The following ANKS1B variants were observed in gnomAD, a reference collection of about 807,000 sequenced individuals.
The protein encoded by ANKS1B is ankyrin repeat and sterile alpha motif domain containing 1B, also known as ankyrin repeat and sterile alpha motif domain-containing protein 1B.
In ANKS1B, 36 loss-of-function variants were observed where a neutral mutation model predicts 148.3. That is an observed-to-expected ratio of 0.24 (90% confidence interval 0.19 to 0.32). The LOEUF is 0.32. Among genes scored for constraint, ANKS1B ranks in the 10% least tolerant of loss-of-function variants. The pLI is 1.00. For missense variants in ANKS1B, 1,157 were observed against 1,542.6 expected (o/e 0.75, Z 4.19); for synonymous variants, 542 against 560.8 (o/e 0.97, Z 0.47).
chr12:98,754,429 CTG>C (rs1566052908), intron 25 of ANKS1B, among the ~76,000 whole-genome samples: 1 of 152,178 alleles, frequency 6.6e-6, no homozygotes, highest in African/African-American at 2.4e-5. Flanking sequence ...CTTCCGACTT[CTG>C]TAGTCTCACA....
At chr12:99,101,603 C>G (rs2057955623) in intron 15 of ANKS1B, among the ~76,000 whole-genome samples, 1 of 152,102 alleles carries the variant, frequency 6.6e-6, no homozygotes, top group African/African-American at 2.4e-5. Context: ...ACTCTATTAC[C>G]CAGGCTGGAG....
intron 12 of ANKS1B, among the ~76,000 whole-genome samples, chr12:99,371,769 A>C (rs909994335): frequency 6.6e-6 from 1 of 152,142 alleles, no homozygotes; most frequent in Non-Finnish European, 1.5e-5. Context: ...AAGGAAAAAA[A>C]CATTCCTGTG....
intron 1 of ANKS1B, among the ~76,000 whole-genome samples, chr12:99,921,970 A>C (rs1474173880): frequency 1.3e-5 from 2 of 152,282 alleles, no homozygotes; most frequent in Admixed American, 1.3e-4. Context: ...AATGGATAAC[A>C]ATAAGCATCC....
chr12:99,468,187 G>A (rs1259358528), intron 10 of ANKS1B, among the ~76,000 whole-genome samples: 5 of 152,088 alleles, frequency 3.3e-5, no homozygotes, highest in African/African-American at 4.8e-5. Flanking sequence ...AAGCAATGGG[G>A]AAAGGATTCC....
At chr12:99,681,104 C>T (rs1328154889) in intron 8 of ANKS1B, among the ~76,000 whole-genome samples, 4 of 152,078 alleles carry the variant, frequency 2.6e-5, no homozygotes, top group Non-Finnish European at 5.9e-5. Context: ...CTTGGGAGCT[C>T]CATGGCCCCA....
chr12:98,814,336 T>C (rs905562551), intron 19 of ANKS1B, among the ~76,000 whole-genome samples: 1 of 152,234 alleles, frequency 6.6e-6, no homozygotes, highest in South Asian at 2.1e-4. Context: ...TTTTACCGAA[T>C]GAATGGAATC....
intron 11 of ANKS1B, among the ~76,000 whole-genome samples, chr12:99,403,152 CTTTTTT>C (rs143800860): frequency 2.7e-5 from 2 of 73,158 alleles, no homozygotes; most frequent in African/African-American, 6.5e-5. Context: ...ACTTTTCTTT[CTTTTTT>C]TTTTTTTTTT....
At chr12:98,885,971 G>A (rs887099691) in intron 17 of ANKS1B, among the ~76,000 whole-genome samples, 6 of 151,980 alleles carry the variant, frequency 3.9e-5, no homozygotes, top group South Asian at 2.1e-4. Flanking sequence ...GAAATAGCAC[G>A]GCAGATATGC....
chr12:99,570,488 A>G (rs2097442219), intron 9 of ANKS1B, among the ~76,000 whole-genome samples: 1 of 152,144 alleles, frequency 6.6e-6, no homozygotes, highest in African/African-American at 2.4e-5. Flanking sequence ...TCTACTAAAA[A>G]TACAAAAAAT....
At chr12:99,733,418 T>A (rs959379991) in intron 8 of ANKS1B, among the ~76,000 whole-genome samples, 1 of 152,224 alleles carries the variant, frequency 6.6e-6, no homozygotes, top group African/African-American at 2.4e-5. Context: ...CTTGCCATGA[T>A]ACGACAATAA....
At chr12:99,651,252 ATTTCACAGGTTAGATGT>A (rs1385999275) in intron 9 of ANKS1B, among the ~76,000 whole-genome samples, 2 of 152,216 alleles carry the variant, frequency 1.3e-5, no homozygotes, top group Admixed American at 6.5e-5. Context: ...TATGAAAAAC[ATTTCACAGGTTAGATGT>A]TCTAGCTTTG....
chr12:99,082,641 T>G lies in ANKS1B; in HGVS notation c.2625+2284A>C, dbSNP rs551007678. On this transcript the variant is annotated intron_variant, in intron 16 of 26. Coordinates refer to ENST00000683438, the MANE Select transcript of ANKS1B (RefSeq NM_001352186.2). ...TAGAGGAGAACAATGAGAACTTGATTCATGTAGTCTAACCAAGGATGACAG... is the reference window on the plus strand; with the variant it reads ...TAGAGGAGAACAATGAGAACTTGATGCATGTAGTCTAACCAAGGATGACAG... Among the ~76,000 whole-genome samples the G allele has an allele frequency of 2.6e-5, 4 of 152,218 alleles. No homozygotes were observed. The East Asian group carries it at 7.8e-4, about 29-fold the overall frequency.
intron 17 of ANKS1B, among the ~76,000 whole-genome samples, chr12:99,005,127 G>C (rs2099935371): frequency 6.6e-6 from 1 of 152,192 alleles, no homozygotes; most frequent in Non-Finnish European, 1.5e-5. Context: ...CTGTAGAAGA[G>C]AGGCAGACAC....
intron 12 of ANKS1B, among the ~76,000 whole-genome samples, chr12:99,327,971 C>CT (rs1345230734): frequency 6.6e-6 from 1 of 151,792 alleles, no homozygotes; most frequent in African/African-American, 2.4e-5. Context: ...TCCTGATACT[C>CT]TACTACATAC....
intron 17 of ANKS1B, among the ~76,000 whole-genome samples, chr12:98,909,080 C>T (rs1397695258): frequency 6.6e-6 from 1 of 152,142 alleles, no homozygotes; most frequent in Non-Finnish European, 1.5e-5. Context: ...GAGTGCAGAG[C>T]TGGTGTGTGG....
rs2153622931 is a variant in ANKS1B at position 99,772,994 on chromosome 12, T to C, written c.1056A>G (p.Ile352Met). 5 of 1,612,958 alleles carry C rather than the reference T, an allele frequency of 3.1e-6. No homozygotes were observed. The East Asian group carries it at 8.9e-5, about 29-fold the overall frequency. The change falls in exon 8 of 27, where the codon ATA becomes ATG. Residue 352 changes from isoleucine to methionine, a missense_variant. This residue lies in a region of ANKS1B where 661 missense variants were observed against 642.1 expected (regional missense o/e 1.03). Transcript: ENST00000683438. ...DYSFEDLCHT[I>M]SDHYLDNLSK... ...TCAAATTATCTAAGTAGTGGTCTGA[T>C]ATTGTGTGGCACAAGTCTTCAAACG... is the stretch of plus-strand genomic sequence containing the variant.
intron 6 of ANKS1B, among the ~76,000 whole-genome samples, chr12:99,778,984 A>C (rs921256375): frequency 3.3e-5 from 5 of 152,226 alleles, no homozygotes; most frequent in Non-Finnish European, 7.3e-5. Context: ...GCCAATCCAT[A>C]ACAAGTGTAG....
At chr12:99,976,573 T>C (rs749656039) in intron 1 of ANKS1B, among the ~76,000 whole-genome samples, 3 of 152,234 alleles carry the variant, frequency 2.0e-5, no homozygotes, top group Non-Finnish European at 1.5e-5. Flanking sequence ...GATCAAAGAA[T>C]GGTAACAAGT....
chr12:99,971,343 G>T (rs924413639), intron 1 of ANKS1B, among the ~76,000 whole-genome samples: 1 of 152,164 alleles, frequency 6.6e-6, no homozygotes, highest in African/African-American at 2.4e-5. Flanking sequence ...CATTGCTGGA[G>T]TTTACCCAGC....
Sources: allele counts gnomAD v4.1 joint callset (sites outside exome capture counted in the v4.1 genomes callset), GRCh38; gene constraint gnomAD v4.1.1; regional missense constraint gnomAD v4.1.1; transcripts MANE v1.5; gene names NCBI Gene and HGNC (gene_info 2026-07-23, HGNC 2026-07-21).